The following TXNDC12 variants were observed in gnomAD, a reference collection of about 807,000 sequenced individuals.
The protein encoded by TXNDC12 is thioredoxin domain-containing protein 12.
TXNDC12 carries 22 observed loss-of-function variants against 24.2 expected under a neutral mutation model. The ratio of observed to expected loss-of-function variants is 0.91; its 90% CI spans 0.65 to 1.30. The LOEUF is 1.30. TXNDC12 is among the 50% of genes most tolerant of loss of function. The pLI is 0.00. For missense variants in TXNDC12, 184 were observed against 205.8 expected (o/e 0.89, Z 0.65); for synonymous variants, 58 against 73.4 (o/e 0.79, Z 1.07).
intron 5 of TXNDC12, among the ~76,000 whole-genome samples, chr1:52,023,877 T>C (rs745537806): frequency 6.6e-6 from 1 of 152,162 alleles, no homozygotes; most frequent in Non-Finnish European, 1.5e-5. Flanking sequence ...TTAGGTGCAC[T>C]ATAGGTTCAA....
intron 1 of TXNDC12, among the ~76,000 whole-genome samples, chr1:52,045,011 C>T (rs184867309): frequency 5.9e-4 from 90 of 151,370 alleles, no homozygotes; most frequent in Middle Eastern, 3.4e-3. Flanking sequence ...GTGAAGTCAT[C>T]AAACAGAACT....
In TXNDC12 at chr1:52,028,604, T is replaced by C; in HGVS notation, c.185A>G (p.His62Arg). The change falls in exon 3 of 7, where the codon CAT (histidine) becomes CGT (arginine). Residue 62 changes from histidine to arginine, a missense_variant. Coordinates refer to ENST00000371626, the MANE Select transcript of TXNDC12 (RefSeq NM_015913.4). ...ASGLPLMVII[H>R]KSWCGACKAL... Reference sequence around the variant, plus strand: ...TTTGCAAGCTCCACACCAGGATTTATGAATAATCACCATCAGGGGCAGTCC... The same window carrying C: ...TTTGCAAGCTCCACACCAGGATTTACGAATAATCACCATCAGGGGCAGTCC... The C allele has an allele frequency of 6.2e-7, 1 of 1,613,148 alleles. No homozygotes were observed. The highest frequency in any genetic ancestry group is 8.5e-7 in the Non-Finnish European group (1 of 1,179,766).
chr1:52,049,579 GTC>G (rs1473797053), intron 1 of TXNDC12, among the ~76,000 whole-genome samples: 8 of 152,118 alleles, frequency 5.3e-5, no homozygotes, highest in Admixed American at 4.6e-4. Context: ...GAGCAAGACT[GTC>G]TCAACAACAA....
At chr1:52,044,371 C>A (rs1686048860) in intron 1 of TXNDC12, 1 of 152,218 alleles carries the variant, frequency 6.6e-6, no homozygotes, top group Non-Finnish European at 1.5e-5. Flanking sequence ...TAAAGTGATT[C>A]CACGTGAGTG....
intron 5 of TXNDC12, among the ~76,000 whole-genome samples, chr1:52,024,151 C>T (rs1242414491): frequency 4.6e-5 from 7 of 152,022 alleles, no homozygotes; most frequent in African/African-American, 1.7e-4. Flanking sequence ...CGTGCCACCA[C>T]ACCCGGCTAA....
chr1:52,023,696 T>C, intron 5 of TXNDC12, 122 bp from the exon 6 acceptor site: 1 of 688,190 alleles, frequency 1.5e-6, no homozygotes, highest in Admixed American at 2.3e-5. Context: ...GCCCATTACC[T>C]CACCATAATA....
intron 6 of TXNDC12, among the ~76,000 whole-genome samples, chr1:52,021,471 G>A (rs1175528105): frequency 6.6e-6 from 1 of 151,578 alleles, no homozygotes; most frequent in Non-Finnish European, 1.5e-5. Flanking sequence ...TACACTGAGG[G>A]GTGTGTGTGC....
At chr1:52,028,909 C>T (rs1161986428) in intron 2 of TXNDC12, among the ~76,000 whole-genome samples, 1 of 152,164 alleles carries the variant, frequency 6.6e-6, no homozygotes, top group Non-Finnish European at 1.5e-5. Flanking sequence ...GGGCAGATGA[C>T]TTGAGGCCAC....
At chr1:52,028,483 G>T in intron 3 of TXNDC12, 95 bp downstream of exon 3, 1 of 936,036 alleles carries the variant, frequency 1.1e-6, no homozygotes, top group Non-Finnish European at 1.7e-6. Flanking sequence ...TAAACAGTCA[G>T]TAGTGCTGGG....
chr1:52,054,771 C>G (rs1307097605), intron 1 of TXNDC12, among the ~76,000 whole-genome samples: 1 of 152,152 alleles, frequency 6.6e-6, no homozygotes, highest in East Asian at 1.9e-4. Flanking sequence ...TTCCTTCCCC[C>G]CAATCCAATA....
intron 2 of TXNDC12, among the ~76,000 whole-genome samples, chr1:52,040,584 C>T (rs1037383690): frequency 7.9e-5 from 12 of 152,194 alleles, no homozygotes; most frequent in South Asian, 2.1e-4. Flanking sequence ...TATTTTTACA[C>T]TTGTAACATA....
At chr1:52,038,809 T>C (rs1685931467) in intron 2 of TXNDC12, among the ~76,000 whole-genome samples, 1 of 151,810 alleles carries the variant, frequency 6.6e-6, no homozygotes, top group African/African-American at 2.4e-5. Flanking sequence ...ATTATGCACA[T>C]AAAAAGGCAT....
At chr1:52,036,668 G>A (rs999005518) in intron 2 of TXNDC12, among the ~76,000 whole-genome samples, 1 of 152,066 alleles carries the variant, frequency 6.6e-6, no homozygotes, top group African/African-American at 2.4e-5. Context: ...ATCTTAGAAG[G>A]GTCCATGTTG....
chr1:52,027,415 T>A, intron 3 of TXNDC12, 67 bp from the exon 4 acceptor site: 1 of 1,155,744 alleles, frequency 8.7e-7, no homozygotes, highest in South Asian at 1.3e-5. Flanking sequence ...TTAACGAACA[T>A]AAGCATCACT....
chr1:52,039,120 T>A (rs1417956943), intron 2 of TXNDC12, among the ~76,000 whole-genome samples: 1 of 147,688 alleles, frequency 6.8e-6, no homozygotes, highest in African/African-American at 2.5e-5. Flanking sequence ...GGTTCATTTA[T>A]CTTGAAACGA....
intron 3 of TXNDC12, among the ~76,000 whole-genome samples, chr1:52,028,256 C>G (rs909954147): frequency 6.6e-6 from 1 of 152,088 alleles, no homozygotes; most frequent in African/African-American, 2.4e-5. Flanking sequence ...AGTCAGATAA[C>G]TTGGGTTCTA....
At chr1:52,036,906 T>C (rs1685892753) in intron 2 of TXNDC12, among the ~76,000 whole-genome samples, 1 of 152,242 alleles carries the variant, frequency 6.6e-6, no homozygotes, top group Admixed American at 6.5e-5. Context: ...ATCTCTTTCA[T>C]GATTTTGATT....
chr1:52,030,463 C>G (rs1685734351), intron 2 of TXNDC12: 1 of 152,150 alleles, frequency 6.6e-6, no homozygotes, highest in South Asian at 2.1e-4. Flanking sequence ...ATGGTTAGAC[C>G]CAATTCAATC....
intron 2 of TXNDC12, among the ~76,000 whole-genome samples, chr1:52,036,273 AT>A (rs1685881467): frequency 6.6e-6 from 1 of 152,226 alleles, no homozygotes; most frequent in South Asian, 2.1e-4. Context: ...TATTCTTACA[AT>A]AAAGTAAACT....
Sources: gnomAD v4.1 joint callset for allele counts (sites outside exome capture counted in the v4.1 genomes callset) on GRCh38, gnomAD v4.1.1 for gene constraint, MANE v1.5 for transcripts, NCBI Gene and HGNC (gene_info 2026-07-23, HGNC 2026-07-21) for gene names.